WWOX: variants seen among roughly 807,000 people sequenced by gnomAD.
The protein encoded by WWOX is WW domain containing oxidoreductase, also known as WW domain-containing oxidoreductase.
Under a neutral mutation model 46.2 loss-of-function variants are expected in WWOX, and 69 were observed. That is an observed-to-expected ratio of 1.49 (90% confidence interval 1.23 to 1.82). The LOEUF (loss-of-function observed/expected upper bound fraction) is 1.82, where lower values mean the gene tolerates loss of function less well. WWOX is among the 40% of genes most tolerant of loss of function. The pLI is 0.00. For missense variants in WWOX, 919 were observed against 542.6 expected (o/e 1.69, Z -6.89); for synonymous variants, 359 against 202.6 (o/e 1.77, Z -6.56).
At chr16:79,010,478 C>T (rs1406444646) in intron 8 of WWOX, among the ~76,000 whole-genome samples, 8 of 152,096 alleles carry the variant, frequency 5.3e-5, no homozygotes, top group East Asian at 1.9e-4. Flanking sequence ...CAGGTGATGG[C>T]GGGACAGCTC....
intron 8 of WWOX, among the ~76,000 whole-genome samples, chr16:79,120,588 C>G (rs1306598834): frequency 6.6e-6 from 1 of 152,132 alleles, no homozygotes; most frequent in Non-Finnish European, 1.5e-5. Flanking sequence ...GGTGTTGGAG[C>G]CCAGACGTCT....
intron 8 of WWOX, among the ~76,000 whole-genome samples, chr16:79,070,151 C>T (rs764981794): frequency 9.2e-5 from 14 of 152,162 alleles, no homozygotes; most frequent in Non-Finnish European, 2.1e-4. Context: ...TTCCCTAATA[C>T]CAAGGCAATG....
At chr16:78,288,986 C>A (rs183133029) in intron 5 of WWOX, among the ~76,000 whole-genome samples, 1 of 152,142 alleles carries the variant, frequency 6.6e-6, no homozygotes, top group Admixed American at 6.5e-5. Flanking sequence ...AAAACTAACA[C>A]GCAGTGGGAA....
chr16:78,908,603 T>C (rs1311043048), intron 8 of WWOX, among the ~76,000 whole-genome samples: 1 of 152,026 alleles, frequency 6.6e-6, no homozygotes, highest in African/African-American at 2.4e-5. Context: ...AGTTTTATTA[T>C]TACTCAAATA....
rs546507536 is a variant in WWOX, at chr16:78,856,540, G to C, written c.1057-355068G>C. On this transcript the variant is annotated intron_variant, in intron 8 of 8. Coordinates refer to ENST00000566780, the MANE Select transcript of WWOX (RefSeq NM_016373.4). ...CCCCTGTAATAGCAGCTACTCAGGAGTCTGAGGCAGGAGAATCCCTTGAAC... is the reference window on the plus strand; with the variant it reads ...CCCCTGTAATAGCAGCTACTCAGGACTCTGAGGCAGGAGAATCCCTTGAAC... Among the ~76,000 whole-genome samples the C allele has an allele frequency of 9.9e-5, 15 of 152,234 alleles. No homozygotes were observed. In the East Asian group the frequency reaches 1.2e-3, roughly 12 times the overall value.
chr16:78,776,775 G>C (rs528585541), intron 8 of WWOX, among the ~76,000 whole-genome samples: 33 of 152,160 alleles, frequency 2.2e-4, no homozygotes, highest in Non-Finnish European at 3.7e-4. Context: ...CGGCAGGCAA[G>C]AGGGGCAGGG....
chr16:78,680,426 C>T (rs757012219), intron 8 of WWOX, among the ~76,000 whole-genome samples: 2 of 151,658 alleles, frequency 1.3e-5, no homozygotes, highest in African/African-American at 4.8e-5. Flanking sequence ...CCTAGCTACT[C>T]GGGAGGCTGA....
chr16:78,883,736 GA>G (rs964880157), intron 8 of WWOX, among the ~76,000 whole-genome samples: 3 of 147,352 alleles, frequency 2.0e-5, no homozygotes, highest in Non-Finnish European at 4.5e-5. Context: ...AAAAAAAAAA[GA>G]AAAAAAAAGT....
chr16:78,419,853 G>T (rs1174211993), intron 6 of WWOX, among the ~76,000 whole-genome samples: 1 of 152,022 alleles, frequency 6.6e-6, no homozygotes, highest in Non-Finnish European at 1.5e-5. Flanking sequence ...AAAGTGTACA[G>T]ATGACCTACA....
intron 8 of WWOX, among the ~76,000 whole-genome samples, chr16:79,098,810 C>T (rs1445493082): frequency 1.3e-5 from 2 of 152,156 alleles, no homozygotes; most frequent in Non-Finnish European, 2.9e-5. Flanking sequence ...AATGTACATT[C>T]TCCTTTTTTT....
intron 8 of WWOX, among the ~76,000 whole-genome samples, chr16:78,489,709 C>T (rs2084732494): frequency 2.0e-5 from 3 of 152,206 alleles, no homozygotes; most frequent in African/African-American, 7.2e-5. Flanking sequence ...TGGGCCCTGG[C>T]ATGATGGCAA....
At chr16:78,494,730 C>T (rs1429717276) in intron 8 of WWOX, among the ~76,000 whole-genome samples, 2 of 152,114 alleles carry the variant, frequency 1.3e-5, no homozygotes, top group African/African-American at 4.8e-5. Context: ...GTCATCGGTC[C>T]TTGAGTCAGC....
intron 5 of WWOX, among the ~76,000 whole-genome samples, chr16:78,299,417 A>G (rs1432843025): frequency 6.6e-6 from 1 of 152,158 alleles, no homozygotes; most frequent in Admixed American, 6.5e-5. Context: ...TTGAGCCCAA[A>G]AGTACAAATC....
At chr16:78,534,817 C>T (rs78668939) in intron 8 of WWOX, among the ~76,000 whole-genome samples, 11,745 of 151,852 alleles carry the variant, frequency 0.077, 1,132 homozygotes, top group African/African-American at 0.22. Context: ...TCAAGCGATT[C>T]CACTGCCCTG....
chr16:78,298,015 G>A (rs2079969885), intron 5 of WWOX, among the ~76,000 whole-genome samples: 1 of 152,168 alleles, frequency 6.6e-6, no homozygotes, highest in Non-Finnish European at 1.5e-5. Flanking sequence ...CATGAGATCT[G>A]ATGGTTTTGT....
At chr16:78,378,978 T>G (rs543075021) in intron 5 of WWOX, among the ~76,000 whole-genome samples, 14 of 152,328 alleles carry the variant, frequency 9.2e-5, no homozygotes, top group African/African-American at 3.1e-4. Flanking sequence ...GGCAGTCATG[T>G]GACGACATGA....
rs368886944 is a variant in WWOX at position 78,569,385 on chromosome 16, G to C, written c.1056+136633G>C. Among the ~76,000 whole-genome samples the C allele has an allele frequency of 1.1e-4, 17 of 152,238 alleles. No homozygotes were observed. In the East Asian group the frequency reaches 3.3e-3, roughly 29 times the overall value. ...TGGTTTAAAATATCACTGTTTTGTT[G>C]ACATTCACCTGTATTATACATTTCA... is the stretch of plus-strand genomic sequence containing the variant. On this transcript the variant is annotated intron_variant, in intron 8 of 8. Transcript: ENST00000566780.
At chr16:79,002,763 A>C (rs140053286) in intron 8 of WWOX, among the ~76,000 whole-genome samples, 1 of 152,112 alleles carries the variant, frequency 6.6e-6, no homozygotes, top group Non-Finnish European at 1.5e-5. Flanking sequence ...CTCCCTGTCT[A>C]TAAGGGGAAA....
rs200476253 is a variant in WWOX at position 78,195,272 on chromosome 16, C to T, written c.516+30983C>T. 5.3e-5 allele frequency among the ~76,000 whole-genome samples: 8 copies of T among 152,258 alleles called. No homozygotes were observed. In the East Asian group the frequency reaches 7.7e-4, roughly 15 times the overall value. On this transcript the variant is annotated intron_variant, in intron 5 of 8. Coordinates refer to ENST00000566780, the MANE Select transcript of WWOX (RefSeq NM_016373.4). ...GCTGGCAGACTGACTGGAACCTGCT[C>T]CTTCATTAAACCTGACAGATGCCTC...
Sources: gnomAD v4.1 joint callset for allele counts (sites outside exome capture counted in the v4.1 genomes callset) on GRCh38, gnomAD v4.1.1 for gene constraint, MANE v1.5 for transcripts, NCBI Gene and HGNC (gene_info 2026-07-23, HGNC 2026-07-21) for gene names.